The following OR8B2 variants were observed in gnomAD, a reference collection of about 807,000 sequenced individuals.
OR8B2 encodes the protein olfactory receptor 8B2.
For synonymous variants in OR8B2, 98 were observed against 138.2 expected (o/e 0.71, Z 2.04); for missense variants, 304 against 379.6 (o/e 0.80, Z 1.65).
At chr11:124,384,935 G>A (rs1162567973), upstream of OR8B2, among the ~76,000 whole-genome samples, 2 of 152,200 alleles carry the variant, frequency 1.3e-5, no homozygotes, top group East Asian at 3.9e-4. Context: ...TAACAAGTAT[G>A]TATGTATAAT....
At chr11:124,384,844 G>A (rs1444036909), upstream of OR8B2, among the ~76,000 whole-genome samples, 1 of 152,174 alleles carries the variant, frequency 6.6e-6, no homozygotes, top group African/African-American at 2.4e-5. Context: ...AGGAGAAAGA[G>A]CCTCTGCTGT....
Position 124,382,487 on chromosome 11 carries a change from G to A in OR8B2, c.857C>T (p.Pro286Leu), listed in dbSNP as rs755453582. 2.5e-6 allele frequency: 4 copies of A among 1,613,830 alleles called. No individual in the cohort carries two copies. The highest frequency in any genetic ancestry group is 3.4e-6 in the Non-Finnish European group (4 of 1,179,970). ...CTTGTTCCTCAAACTGTAGATGAGG[G>A]GATTGAGCATGGGCACCACATTAGT... ...FYTNVVPMLN[P>L]LIYSLRNKDV... is the part of the protein sequence containing the mutation. Residue 286 changes from proline to leucine, a missense_variant, in exon 2 of 2, where the codon CCC (proline) becomes CTC (leucine). Transcript: ENST00000641451.
chr11:124,385,559 A>C (rs1432891277), upstream of OR8B2, among the ~76,000 whole-genome samples: 1 of 136,144 alleles, frequency 7.3e-6, no homozygotes, highest in Non-Finnish European at 1.6e-5. Context: ...GTTGAATCCT[A>C]TGTACCTATT....
At chr11:124,391,571 G>C in the OR8B2 span, among the ~76,000 whole-genome samples, 1 of 152,134 alleles carries the variant, frequency 6.6e-6, no homozygotes, top group Non-Finnish European at 1.5e-5. Flanking sequence ...CCAGGAAGAA[G>C]TTGAATCTCT....
chr11:124,387,671 A>G (rs1006554045), upstream of OR8B2, among the ~76,000 whole-genome samples: 3 of 148,044 alleles, frequency 2.0e-5, no homozygotes, highest in Admixed American at 6.8e-5. Flanking sequence ...GCCTTGTAGT[A>G]TAGTTTGAAG....
In OR8B2 at chr11:124,382,658, T is replaced by G. The variant is rs1860612175; in HGVS notation, c.686A>C (p.Lys229Thr). ...VFIVTSILHI[K>T]STQGRSKAFS... ...GGCTTTTGATCTTCCTTGAGTGGAT[T>G]TGATATGAAGAATGCTAGTGACAAT... Residue 229 changes from lysine to threonine, a missense_variant, in exon 2 of 2, where the codon AAA becomes ACA. Coordinates refer to ENST00000641451, the MANE Select transcript of OR8B2 (RefSeq NM_001005468.2). The G allele has an allele frequency of 6.2e-7, 1 of 1,612,916 alleles. No individual in the cohort carries two copies. Among genetic ancestry groups the G allele is most frequent in the African/African-American group, 1.3e-5 (1 of 74,808 alleles).
chr11:124,387,554 A>C (rs938631606), upstream of OR8B2, among the ~76,000 whole-genome samples: 2 of 151,278 alleles, frequency 1.3e-5, no homozygotes, highest in Non-Finnish European at 2.9e-5. Flanking sequence ...GGTTTGTCAA[A>C]GATCAGATAG....
At chr11:124,387,306 TG>T (rs1412202900), upstream of OR8B2, among the ~76,000 whole-genome samples, 2 of 152,366 alleles carry the variant, frequency 1.3e-5, no homozygotes, top group Admixed American at 6.5e-5. Flanking sequence ...CCATTGCTTT[TG>T]GTGTTTTAGA....
upstream of OR8B2, among the ~76,000 whole-genome samples, chr11:124,388,331 T>G (rs1298312510): frequency 6.6e-6 from 1 of 151,672 alleles, no homozygotes; most frequent in African/African-American, 2.4e-5. Flanking sequence ...CATCCCTGTC[T>G]TGTGCCAGTT....
upstream of OR8B2, among the ~76,000 whole-genome samples, chr11:124,387,642 T>G (rs1048184492): frequency 6.7e-6 from 1 of 148,984 alleles, no homozygotes; most frequent in African/African-American, 2.5e-5. Flanking sequence ...ACCCGTACCA[T>G]GCTGTTTTGG....
chr11:124,397,282 G>A, the OR8B2 span: 87 of 1,253,074 alleles, frequency 6.9e-5, 1 homozygote, highest in African/African-American at 9.3e-4. Context: ...AGGGGTTGCT[G>A]GAACTCTGGA....
chr11:124,394,650 C>A, the OR8B2 span, among the ~76,000 whole-genome samples: 1 of 152,100 alleles, frequency 6.6e-6, no homozygotes, highest in African/African-American at 2.4e-5. Flanking sequence ...TGGCTCAGGA[C>A]ATCTCAGAGT....
At chr11:124,390,508 G>A in the OR8B2 span, among the ~76,000 whole-genome samples, 22 of 152,106 alleles carry the variant, frequency 1.4e-4, no homozygotes, top group Admixed American at 7.9e-4. Context: ...GAAAGTTTAC[G>A]AATTTGTGTT....
upstream of OR8B2, among the ~76,000 whole-genome samples, chr11:124,385,458 G>T (rs1486167161): frequency 1.3e-5 from 2 of 151,638 alleles, no homozygotes; most frequent in Non-Finnish European, 1.5e-5. Flanking sequence ...TAATGTTAAA[G>T]AAACTACAGA....
the OR8B2 span, among the ~76,000 whole-genome samples, chr11:124,393,887 A>T: frequency 2.6e-5 from 4 of 151,032 alleles, no homozygotes; most frequent in East Asian, 7.8e-4. Flanking sequence ...TGGATTAAAA[A>T]AATGTGGCAC....
the OR8B2 span, chr11:124,395,394 T>C: frequency 6.6e-6 from 1 of 152,226 alleles, no homozygotes; most frequent in Non-Finnish European, 1.5e-5. Flanking sequence ...AAAGGAATTA[T>C]GAGAAATAAC....
At chr11:124,390,869 C>CT in the OR8B2 span, among the ~76,000 whole-genome samples, 1 of 151,780 alleles carries the variant, frequency 6.6e-6, no homozygotes, top group African/African-American at 2.4e-5. Context: ...ATAGTTTAAG[C>CT]TTTTTTGTGA....
chr11:124,396,454 G>A, the OR8B2 span: 12 of 1,613,374 alleles, frequency 7.4e-6, no homozygotes, highest in East Asian at 2.7e-4. Context: ...GCTTTCCTCA[G>A]TGCAACTTTG....
the OR8B2 span, chr11:124,395,503 A>G: frequency 1.1e-4 from 16 of 152,338 alleles, no homozygotes; most frequent in African/African-American, 3.4e-4. Flanking sequence ...AAATTAATAT[A>G]CATTTTTTCA....
Sources: gnomAD v4.1 joint callset for allele counts (sites outside exome capture counted in the v4.1 genomes callset) on GRCh38, gnomAD v4.1.1 for gene constraint, MANE v1.5 for transcripts, NCBI Gene and HGNC (gene_info 2026-07-23, HGNC 2026-07-21) for gene names.